Variants in EXOC4 observed in about 807,000 individuals in gnomAD.
EXOC4 encodes exocyst complex component 4.
A neutral mutation model predicts 107.2 loss-of-function variants in EXOC4; 71 were observed. That is an observed-to-expected ratio of 0.66 (90% CI 0.55 to 0.81). EXOC4 has a LOEUF of 0.81. Among genes scored for constraint, EXOC4 ranks in the 30% least tolerant of loss-of-function variants. EXOC4 has a pLI of 0.00. For missense variants in EXOC4, 1,108 were observed against 1,189.6 expected (o/e 0.93, Z 1.01); for synonymous variants, 456 against 441.2 (o/e 1.03, Z -0.42).
At chr7:134,099,771 A>G in the EXOC4 span, among the ~76,000 whole-genome samples, 1 of 151,664 alleles carries the variant, frequency 6.6e-6, no homozygotes, top group Non-Finnish European at 1.5e-5. Flanking sequence ...CGATGGCGAA[A>G]TCTCAGTTCA....
At chr7:133,903,095 T>C (rs1472777314) in intron 12 of EXOC4, among the ~76,000 whole-genome samples, 2 of 152,078 alleles carry the variant, frequency 1.3e-5, no homozygotes, top group Non-Finnish European at 2.9e-5. Flanking sequence ...GGCAGGACGC[T>C]CCGGGACACT....
chr7:133,879,300 GC>G (rs1798915273), intron 11 of EXOC4, among the ~76,000 whole-genome samples: 1 of 151,886 alleles, frequency 6.6e-6, no homozygotes, highest in Non-Finnish European at 1.5e-5. Context: ...TTGCCATGTT[GC>G]CTAGGCTGGT....
chr7:133,510,206 A>G (rs905842672), intron 9 of EXOC4, among the ~76,000 whole-genome samples: 3 of 152,196 alleles, frequency 2.0e-5, no homozygotes, highest in African/African-American at 7.2e-5. Context: ...GACATTTCTT[A>G]TAAATAGAAT....
At chr7:133,566,205 G>A (rs958233811) in intron 9 of EXOC4, among the ~76,000 whole-genome samples, 2 of 152,078 alleles carry the variant, frequency 1.3e-5, no homozygotes, top group Admixed American at 6.5e-5. Context: ...TTATTTTTGG[G>A]GTTAGGAATG....
chr7:133,486,280 A>G (rs1465393645), intron 9 of EXOC4, among the ~76,000 whole-genome samples: 5 of 152,136 alleles, frequency 3.3e-5, no homozygotes, highest in African/African-American at 1.2e-4. Context: ...TCTTGCCTTA[A>G]GAAAAGACAG....
intron 10 of EXOC4, among the ~76,000 whole-genome samples, chr7:133,800,948 T>C (rs760472134): frequency 6.6e-6 from 1 of 152,218 alleles, no homozygotes; most frequent in African/African-American, 2.4e-5. Context: ...AAGCTTGTGG[T>C]TGAAGTTGAT....
intron 11 of EXOC4, among the ~76,000 whole-genome samples, chr7:133,880,630 T>G (rs1297232496): frequency 6.6e-6 from 1 of 152,342 alleles, no homozygotes; most frequent in Admixed American, 6.5e-5. Context: ...TATGGTCTAA[T>G]TAAGCACAAC....
intron 9 of EXOC4, among the ~76,000 whole-genome samples, chr7:133,591,327 C>T (rs1230468840): frequency 1.3e-5 from 2 of 152,104 alleles, no homozygotes; most frequent in Non-Finnish European, 2.9e-5. Context: ...CCTTGGCACC[C>T]CAGCCTTCAC....
At chr7:133,902,008 C>T (rs953465843) in intron 12 of EXOC4, among the ~76,000 whole-genome samples, 1 of 152,200 alleles carries the variant, frequency 6.6e-6, no homozygotes, top group African/African-American at 2.4e-5. Context: ...TTACCACCGC[C>T]CCAGTCAGTT....
intron 14 of EXOC4, among the ~76,000 whole-genome samples, chr7:133,975,013 A>G (rs1268928708): frequency 8.7e-6 from 1 of 114,818 alleles, no homozygotes; most frequent in Admixed American, 1.0e-4. Flanking sequence ...AGCGCTGTAT[A>G]AATTCCTATA....
At chr7:133,351,683 C>T (rs776286885) in intron 5 of EXOC4, among the ~76,000 whole-genome samples, 2 of 151,676 alleles carry the variant, frequency 1.3e-5, no homozygotes, top group Non-Finnish European at 2.9e-5. Context: ...TCTATTTTAT[C>T]TCTGCTCTAA....
At chr7:133,843,948 A>G (rs557072022) in intron 11 of EXOC4, among the ~76,000 whole-genome samples, 16 of 152,268 alleles carry the variant, frequency 1.1e-4, no homozygotes, top group Admixed American at 7.8e-4. Context: ...AGTTCTGTTT[A>G]TGTGATGAAC....
chr7:134,095,243 C>A, the EXOC4 span, among the ~76,000 whole-genome samples: 1 of 151,886 alleles, frequency 6.6e-6, no homozygotes, highest in African/African-American at 2.4e-5. Context: ...ATAAAAAATC[C>A]TAGGAATACG....
chr7:133,597,844 C>T (rs1563121593), intron 9 of EXOC4, among the ~76,000 whole-genome samples: 1 of 151,932 alleles, frequency 6.6e-6, no homozygotes, highest in Non-Finnish European at 1.5e-5. Flanking sequence ...AACCCCATCT[C>T]TACTAAAAAT....
intron 16 of EXOC4, among the ~76,000 whole-genome samples, chr7:134,006,385 A>G (rs2116335333): frequency 6.6e-6 from 1 of 152,292 alleles, no homozygotes; most frequent in Admixed American, 6.5e-5. Flanking sequence ...GATTTTTCAT[A>G]TAAATAAGTT....
chr7:133,695,653 A>T (rs1383979885), intron 10 of EXOC4, among the ~76,000 whole-genome samples: 3 of 152,216 alleles, frequency 2.0e-5, no homozygotes, highest in Non-Finnish European at 2.9e-5. Context: ...TTATTTAAGT[A>T]TTGGGGTAAA....
At chr7:133,405,836 G>A (rs557133171) in intron 7 of EXOC4, among the ~76,000 whole-genome samples, 3 of 152,098 alleles carry the variant, frequency 2.0e-5, no homozygotes, top group African/African-American at 7.2e-5. Context: ...TCAAAATATT[G>A]TACTATATTG....
At chr7:133,564,222 A>C (rs1788095441) in intron 9 of EXOC4, among the ~76,000 whole-genome samples, 1 of 152,164 alleles carries the variant, frequency 6.6e-6, no homozygotes, top group African/African-American at 2.4e-5. Flanking sequence ...AGGCCTCAGG[A>C]AACCTTCAAT....
At chr7:134,079,090 G>A in the EXOC4 span, among the ~76,000 whole-genome samples, 5 of 152,308 alleles carry the variant, frequency 3.3e-5, no homozygotes, top group East Asian at 9.6e-4. Flanking sequence ...GCCATAAGCA[G>A]AGATGGAAGC....
Sources: gnomAD v4.1 joint callset for allele counts (sites outside exome capture counted in the v4.1 genomes callset) on GRCh38, gnomAD v4.1.1 for gene constraint, MANE v1.5 for transcripts, NCBI Gene and HGNC (gene_info 2026-07-23, HGNC 2026-07-21) for gene names.